ARB2A: variants seen among roughly 807,000 people sequenced by gnomAD.
The protein encoded by ARB2A is cotranscriptional regulator ARB2A.
chr5:93,743,086 A>G, the ARB2A span: 1 of 152,186 alleles, frequency 6.6e-6, no homozygotes, highest in African/African-American at 2.4e-5. Flanking sequence ...GGGCCCTTAA[A>G]TACCTCTTCC....
chr5:93,748,761 GA>G, the ARB2A span, among the ~76,000 whole-genome samples: 2 of 151,752 alleles, frequency 1.3e-5, no homozygotes, highest in Admixed American at 1.3e-4. Flanking sequence ...AAATAAAAAA[GA>G]AAAAATAATA....
chr5:93,989,025 G>T, the ARB2A span, among the ~76,000 whole-genome samples: 1 of 152,116 alleles, frequency 6.6e-6, no homozygotes, highest in East Asian at 1.9e-4. Flanking sequence ...TGCAAAACTG[G>T]AAATTAAAGG....
chr5:93,813,950 T>C, the ARB2A span, among the ~76,000 whole-genome samples: 1 of 152,224 alleles, frequency 6.6e-6, no homozygotes, highest in Admixed American at 6.5e-5. Flanking sequence ...TTTCTTTGAT[T>C]AGAGATTTCA....
the ARB2A span, among the ~76,000 whole-genome samples, chr5:93,792,693 G>A: frequency 1.4e-4 from 18 of 128,018 alleles, no homozygotes; most frequent in Admixed American, 2.8e-4. Context: ...ACACTCTGGG[G>A]ACTGTTGTGG....
chr5:93,712,439 T>C, the ARB2A span, among the ~76,000 whole-genome samples: 3 of 152,210 alleles, frequency 2.0e-5, no homozygotes, highest in East Asian at 5.8e-4. Flanking sequence ...ACATTGTACA[T>C]GAGGTTGCAG....
the ARB2A span, among the ~76,000 whole-genome samples, chr5:94,063,080 A>C: frequency 6.6e-6 from 1 of 152,270 alleles, no homozygotes; most frequent in South Asian, 2.1e-4. Context: ...ACTGCCGCCC[A>C]TACTTGAGCA....
chr5:94,068,154 C>T, the ARB2A span, among the ~76,000 whole-genome samples: 1 of 152,160 alleles, frequency 6.6e-6, no homozygotes, highest in Non-Finnish European at 1.5e-5. Context: ...CCTGGCCTCA[C>T]GGATTCCAAG....
chr5:93,986,752 A>G, the ARB2A span, among the ~76,000 whole-genome samples: 2 of 152,318 alleles, frequency 1.3e-5, no homozygotes. Flanking sequence ...TGCTGTGTCA[A>G]CTCAGGGTTA....
At chr5:93,627,690 T>C in the ARB2A span, among the ~76,000 whole-genome samples, 1 of 152,140 alleles carries the variant, frequency 6.6e-6, no homozygotes. Flanking sequence ...TCTGCCCGCT[T>C]TGGCTTCCCA....
At chr5:93,643,388 C>T in the ARB2A span, among the ~76,000 whole-genome samples, 2 of 152,244 alleles carry the variant, frequency 1.3e-5, no homozygotes, top group East Asian at 1.9e-4. Context: ...CAATAGATTA[C>T]AGAAGTCCCA....
chr5:93,678,482 G>A, the ARB2A span, among the ~76,000 whole-genome samples: 1 of 152,154 alleles, frequency 6.6e-6, no homozygotes, highest in Non-Finnish European at 1.5e-5. Flanking sequence ...GTGGCCGAGT[G>A]CGGTGGCTCA....
At chr5:93,864,853 T>A in the ARB2A span, among the ~76,000 whole-genome samples, 1 of 152,300 alleles carries the variant, frequency 6.6e-6, no homozygotes, top group East Asian at 1.9e-4. Flanking sequence ...CTGCCTAATA[T>A]TAGAGTTGCT....
At chr5:93,789,395 T>C in the ARB2A span, among the ~76,000 whole-genome samples, 2 of 152,158 alleles carry the variant, frequency 1.3e-5, no homozygotes, top group Non-Finnish European at 2.9e-5. Flanking sequence ...TTAAAAAAAA[T>C]ACATGTATAT....
chr5:93,776,032 C>A, the ARB2A span: 2 of 749,926 alleles, frequency 2.7e-6, no homozygotes, highest in Non-Finnish European at 4.4e-6. Context: ...CATAACATTA[C>A]CAATAATTCA....
the ARB2A span, chr5:93,743,405 A>T: frequency 4.3e-6 from 1 of 233,844 alleles, no homozygotes; most frequent in Non-Finnish European, 7.0e-6. Context: ...CTGTAGCATT[A>T]ATGGTAAAAA....
At chr5:94,069,284 A>G in the ARB2A span, among the ~76,000 whole-genome samples, 5 of 152,334 alleles carry the variant, frequency 3.3e-5, no homozygotes, top group East Asian at 9.6e-4. Flanking sequence ...ATAAAAATCA[A>G]CTCAAGATGG....
chr5:93,636,636 C>T, the ARB2A span, among the ~76,000 whole-genome samples: 2 of 152,164 alleles, frequency 1.3e-5, no homozygotes, highest in Non-Finnish European at 2.9e-5. Flanking sequence ...TGTTTATAAC[C>T]CACCTAGTCT....
the ARB2A span, among the ~76,000 whole-genome samples, chr5:94,006,822 TA>T: frequency 6.6e-6 from 1 of 152,226 alleles, no homozygotes; most frequent in Non-Finnish European, 1.5e-5. Context: ...TTAAAAGTTT[TA>T]AAGCTTTCGG....
At chr5:93,663,835 A>T in the ARB2A span, among the ~76,000 whole-genome samples, 1 of 152,214 alleles carries the variant, frequency 6.6e-6, no homozygotes, top group Non-Finnish European at 1.5e-5. Context: ...TTACAATGAA[A>T]TATTATATCT....
Sources: allele counts gnomAD v4.1 joint callset (sites outside exome capture counted in the v4.1 genomes callset), GRCh38; gene constraint gnomAD v4.1.1; transcripts MANE v1.5; gene names NCBI Gene and HGNC (gene_info 2026-07-23, HGNC 2026-07-21).